The following SRGAP3 variants were observed in gnomAD, a reference collection of about 807,000 sequenced individuals.
SRGAP3 encodes the protein SLIT-ROBO Rho GTPase activating protein 3.
A neutral mutation model predicts 121.1 loss-of-function variants in SRGAP3; 39 were observed. The ratio of observed to expected loss-of-function variants is 0.32; its 90% CI spans 0.25 to 0.42. The LOEUF (loss-of-function observed/expected upper bound fraction) is 0.42, where lower values mean the gene tolerates loss of function less well. SRGAP3 is among the 10% of genes least tolerant of loss of function. The pLI, the probability that SRGAP3 is intolerant of heterozygous loss-of-function variation, is 1.00. For missense variants in SRGAP3, 1,213 were observed against 1,470.6 expected, an observed-to-expected ratio of 0.82 and a Z score of 2.86; for synonymous variants, 601 against 570.0, an observed-to-expected ratio of 1.05 and a Z score of -0.77.
intron 1 of SRGAP3, 39 bp from the exon 2 acceptor site, chr3:9,124,956 G>A (rs1357313728): frequency 1.2e-6 from 2 of 1,611,954 alleles, no homozygotes; most frequent in South Asian, 1.1e-5. Context: ...GACTGGTGGT[G>A]GGGACGGGGG....
chr3:9,325,012 C>A (rs549600030), intron 3 of SRGAP3, among the ~76,000 whole-genome samples: 1 of 151,766 alleles, frequency 6.6e-6, no homozygotes, highest in East Asian at 1.9e-4. Flanking sequence ...GAGAGTGTAA[C>A]CAAAACTTAG....
intron 1 of SRGAP3, among the ~76,000 whole-genome samples, chr3:9,130,401 C>T (rs1403301489): frequency 6.6e-6 from 1 of 152,184 alleles, no homozygotes; most frequent in Non-Finnish European, 1.5e-5. Context: ...GCCTCACTCC[C>T]ACAAGACCAA....
intron 10 of SRGAP3, among the ~76,000 whole-genome samples, chr3:9,041,329 C>T (rs964230357): frequency 1.3e-5 from 2 of 152,220 alleles, no homozygotes; most frequent in Non-Finnish European, 1.5e-5. Context: ...TATATGCCTC[C>T]GACCCAGGGA....
chr3:9,013,192 T>C (rs1282388480), intron 17 of SRGAP3, 116 bp downstream of exon 17: 3 of 1,009,876 alleles, frequency 3.0e-6, no homozygotes, highest in Non-Finnish European at 4.6e-6. Flanking sequence ...GATGAGAAAA[T>C]GTATATGGAA....
intron 20 of SRGAP3, among the ~76,000 whole-genome samples, chr3:8,992,142 AT>A (rs1340356115): frequency 7.9e-5 from 12 of 152,116 alleles, no homozygotes; most frequent in East Asian, 1.9e-4. Context: ...ACTGTGACTG[AT>A]TTTTTTGGGG....
chr3:9,107,111 G>A (rs1006444665), intron 2 of SRGAP3, among the ~76,000 whole-genome samples: 9 of 152,228 alleles, frequency 5.9e-5, no homozygotes, highest in Admixed American at 5.9e-4. Flanking sequence ...GGATGATGAA[G>A]CATTTACAAC....
At chr3:9,339,406 G>A (rs769193830) in intron 1 of SRGAP3, among the ~76,000 whole-genome samples, 4 of 152,158 alleles carry the variant, frequency 2.6e-5, no homozygotes, top group Non-Finnish European at 5.9e-5. Flanking sequence ...AAATTACAAG[G>A]TACAGTGGTT....
At chr3:9,141,553 G>GGT (rs3067669) in intron 1 of SRGAP3, among the ~76,000 whole-genome samples, 7,791 of 138,312 alleles carry the variant, frequency 0.056, 197 homozygotes, top group South Asian at 0.076. Flanking sequence ...TGACTTCAGG[G>GGT]GTGTGTGTGT....
chr3:9,335,282 T>C (rs1195749899), intron 1 of SRGAP3, among the ~76,000 whole-genome samples: 1 of 152,228 alleles, frequency 6.6e-6, no homozygotes, highest in Non-Finnish European at 1.5e-5. Context: ...GGGCTCCTTG[T>C]TGCCAGCCTA....
Position 9,354,515 on chromosome 3 carries a change from T to G in SRGAP3, n.214+8325A>C, listed in dbSNP as rs138316783. On this transcript the variant is annotated intron_variant and non_coding_transcript_variant, in intron 1 of 3. Coordinates refer to the SRGAP3 transcript ENST00000490889. ...TAACACGGTGAAACCCGGTCTCTACTAAAAAACACAAAAAAAATTAGCCGG... is the reference window on the plus strand; with the variant it reads ...TAACACGGTGAAACCCGGTCTCTACGAAAAAACACAAAAAAAATTAGCCGG... Among the ~76,000 whole-genome samples the G allele has an allele frequency of 1.3e-3, 191 of 151,698 alleles. 1 individual carries two copies. Among genetic ancestry groups the G allele is most frequent in the African/African-American group, 4.3e-3 (179 of 41,370 alleles).
At chr3:9,226,875 C>G (rs1259519540) in intron 1 of SRGAP3, among the ~76,000 whole-genome samples, 2 of 152,176 alleles carry the variant, frequency 1.3e-5, no homozygotes, top group Non-Finnish European at 2.9e-5. Flanking sequence ...ACACAGATGG[C>G]ACCATGAGCA....
At chr3:9,252,100 C>A (rs764770528), upstream of SRGAP3, among the ~76,000 whole-genome samples, 11 of 152,082 alleles carry the variant, frequency 7.2e-5, no homozygotes, top group Non-Finnish European at 1.3e-4. Flanking sequence ...GGCTTGGTGT[C>A]CACCCCACGG....
intron 2 of SRGAP3, among the ~76,000 whole-genome samples, chr3:9,122,480 C>T (rs2664120): frequency 6.6e-6 from 1 of 151,782 alleles, no homozygotes; most frequent in Middle Eastern, 3.4e-3. Flanking sequence ...GAGGCCGAGG[C>T]GGGCGGATCA....
At chr3:9,226,355 G>A (rs1018712420) in intron 1 of SRGAP3, among the ~76,000 whole-genome samples, 9 of 152,202 alleles carry the variant, frequency 5.9e-5, no homozygotes, top group Admixed American at 5.9e-4. Context: ...GACCTTCTAA[G>A]TCACCTAGAA....
chr3:9,027,351 T>C (rs769819534), intron 12 of SRGAP3, among the ~76,000 whole-genome samples: 13 of 152,128 alleles, frequency 8.5e-5, no homozygotes, highest in Non-Finnish European at 1.6e-4. Context: ...TCCCCCTCCA[T>C]TTTGTCCCAA....
At chr3:9,033,533 C>T (rs1385143763) in intron 11 of SRGAP3, 2 of 152,594 alleles carry the variant, frequency 1.3e-5, no homozygotes, top group African/African-American at 4.8e-5. Flanking sequence ...AAGCGATTCT[C>T]CTGCCTCAGC....
At chr3:8,986,659 G>A (rs1941723360) in intron 21 of SRGAP3, among the ~76,000 whole-genome samples, 1 of 152,170 alleles carries the variant, frequency 6.6e-6, no homozygotes, top group Admixed American at 6.5e-5. Flanking sequence ...TGGAGATTAT[G>A]TATCAGAATG....
intron 3 of SRGAP3, among the ~76,000 whole-genome samples, chr3:9,256,355 G>A (rs1222790082): frequency 1.3e-5 from 2 of 152,180 alleles, no homozygotes; most frequent in Non-Finnish European, 2.9e-5. Context: ...TGACTACATT[G>A]CTAGCAAAGT....
chr3:9,225,768 G>A (rs745756271), intron 1 of SRGAP3, among the ~76,000 whole-genome samples: 22 of 152,258 alleles, frequency 1.4e-4, no homozygotes, highest in African/African-American at 2.6e-4. Flanking sequence ...CAGGCAGGCC[G>A]GGTAAACAGG....
Sources: gnomAD v4.1 joint callset for allele counts (sites outside exome capture counted in the v4.1 genomes callset) on GRCh38, gnomAD v4.1.1 for gene constraint, MANE v1.5 for transcripts, NCBI Gene and HGNC (gene_info 2026-07-23, HGNC 2026-07-21) for gene names.